The following GMDS variants were observed in gnomAD, a reference collection of about 807,000 sequenced individuals.
The protein encoded by GMDS is GDP-mannose 4,6 dehydratase.
A neutral mutation model predicts 49.9 loss-of-function variants in GMDS; 20 were observed. The ratio of observed to expected loss-of-function variants is 0.40; its 90% confidence interval spans 0.28 to 0.58. The LOEUF (loss-of-function observed/expected upper bound fraction) is 0.58, where lower values mean the gene tolerates loss of function less well. GMDS is among the 20% of genes least tolerant of loss of function. The pLI is 0.42. For synonymous variants in GMDS, 177 were observed against 178.6 expected (o/e 0.99, Z 0.07); for missense variants, 362 against 481.4 (o/e 0.75, Z 2.32).
At chr6:2,122,202 T>C (rs1394692078) in intron 2 of GMDS, among the ~76,000 whole-genome samples, 1 of 152,196 alleles carries the variant, frequency 6.6e-6, no homozygotes. Flanking sequence ...AATCACCTGA[T>C]CTCATCTAAA....
chr6:1,841,964 CTGGA>C (rs1396107318), intron 7 of GMDS, among the ~76,000 whole-genome samples: 3 of 152,196 alleles, frequency 2.0e-5, no homozygotes, highest in Non-Finnish European at 4.4e-5. Flanking sequence ...CATATCTTCT[CTGGA>C]TGCTCTCACA....
At chr6:1,777,746 G>A (rs900544374) in intron 7 of GMDS, among the ~76,000 whole-genome samples, 8 of 152,230 alleles carry the variant, frequency 5.3e-5, no homozygotes, top group Non-Finnish European at 8.8e-5. Context: ...TTCTTCGGGG[G>A]ATGGAGGGAT....
chr6:1,997,086 T>C (rs940359430), intron 4 of GMDS, among the ~76,000 whole-genome samples: 1 of 151,844 alleles, frequency 6.6e-6, no homozygotes, highest in Non-Finnish European at 1.5e-5. Flanking sequence ...CTCAATGTGC[T>C]CTGACAGCCA....
chr6:1,746,197 G>A (rs1217546204), intron 7 of GMDS, among the ~76,000 whole-genome samples: 1 of 148,206 alleles, frequency 6.7e-6, no homozygotes, highest in African/African-American at 2.5e-5. Context: ...ACAGTGTTGA[G>A]GTTACATGTT....
At chr6:1,874,731 G>A (rs1042793665) in intron 7 of GMDS, among the ~76,000 whole-genome samples, 3 of 152,084 alleles carry the variant, frequency 2.0e-5, no homozygotes, top group African/African-American at 7.2e-5. Context: ...TCATATATGC[G>A]CTGAAGACTC....
rs1160144557 is a variant in GMDS, at chr6:2,039,705, G to T, written c.345+76066C>A. 2.6e-5 allele frequency among the ~76,000 whole-genome samples: 4 copies of T among 152,108 alleles called. No individual in the cohort carries two copies. The East Asian group carries it at 7.7e-4, about 29-fold the overall frequency. Reference sequence around the variant, plus strand: ...CCTCCACGTCTTCTCCTGCTGGAAGGTCTTCAGGGGCAGTGATATGCAAGG... The same window carrying T: ...CCTCCACGTCTTCTCCTGCTGGAAGTTCTTCAGGGGCAGTGATATGCAAGG... On this transcript the variant is annotated intron_variant, in intron 4 of 10. Transcript: ENST00000380815.
intron 6 of GMDS, among the ~76,000 whole-genome samples, chr6:1,932,307 C>T (rs901636276): frequency 3.9e-5 from 6 of 152,062 alleles, no homozygotes; most frequent in Admixed American, 2.0e-4. Context: ...TTTAATTTTC[C>T]GAGCAACCCA....
At chr6:1,995,739 G>C (rs1766235551) in intron 4 of GMDS, among the ~76,000 whole-genome samples, 1 of 152,202 alleles carries the variant, frequency 6.6e-6, no homozygotes, top group African/African-American at 2.4e-5. Context: ...ATGCAAGCCA[G>C]TCCTATGGCT....
intron 4 of GMDS, among the ~76,000 whole-genome samples, chr6:1,996,656 A>C (rs1268073246): frequency 6.6e-6 from 1 of 152,176 alleles, no homozygotes; most frequent in Non-Finnish European, 1.5e-5. Flanking sequence ...CTGCCATCAC[A>C]TGCACCTTCC....
chr6:1,704,807 G>A (rs1765673068), intron 9 of GMDS, among the ~76,000 whole-genome samples: 1 of 147,866 alleles, frequency 6.8e-6, no homozygotes, highest in Non-Finnish European at 1.5e-5. Context: ...TAATATTAAG[G>A]CCACCTGGCT....
chr6:2,196,180 A>C (rs569885064), intron 1 of GMDS, among the ~76,000 whole-genome samples: 12 of 152,366 alleles, frequency 7.9e-5, no homozygotes, highest in African/African-American at 2.9e-4. Context: ...GTTTATATTA[A>C]ATGGTCTCCC....
At chr6:2,010,326 C>CAAAA (rs201372798) in intron 4 of GMDS, among the ~76,000 whole-genome samples, 4 of 90,360 alleles carry the variant, frequency 4.4e-5, no homozygotes, top group South Asian at 3.9e-4. Flanking sequence ...GACTCCATCT[C>CAAAA]AAAAAAAAAA....
intron 6 of GMDS, among the ~76,000 whole-genome samples, chr6:1,934,209 C>G (rs1581385240): frequency 6.6e-6 from 1 of 152,190 alleles, no homozygotes; most frequent in African/African-American, 2.4e-5. Context: ...TTCTGACTTT[C>G]AATTCGATTT....
chr6:2,065,085 C>T (rs760470606), intron 4 of GMDS, among the ~76,000 whole-genome samples: 7 of 152,094 alleles, frequency 4.6e-5, no homozygotes, highest in Non-Finnish European at 8.8e-5. Context: ...TGAGGACAGG[C>T]AGACTGCCTC....
chr6:1,943,572 G>A (rs1310673431), intron 6 of GMDS, among the ~76,000 whole-genome samples: 2 of 152,218 alleles, frequency 1.3e-5, no homozygotes, highest in Non-Finnish European at 2.9e-5. Context: ...TACACATGTA[G>A]GACATAATGA....
intron 2 of GMDS, among the ~76,000 whole-genome samples, chr6:2,118,862 G>A (rs776199558): frequency 8.5e-5 from 13 of 152,134 alleles, no homozygotes; most frequent in Non-Finnish European, 4.4e-5. Context: ...TAATTTAAAC[G>A]TGGAGAAAAC....
At chr6:2,012,569 T>C (rs1228020007) in intron 4 of GMDS, among the ~76,000 whole-genome samples, 3 of 152,188 alleles carry the variant, frequency 2.0e-5, no homozygotes, top group East Asian at 3.8e-4. Context: ...CGATGACTTT[T>C]CTTAGGTCCA....
chr6:1,984,613 G>A (rs902505057), intron 4 of GMDS, among the ~76,000 whole-genome samples: 3 of 152,084 alleles, frequency 2.0e-5, no homozygotes, highest in Non-Finnish European at 4.4e-5. Context: ...TGGCCTATAG[G>A]CAAAATTCTT....
chr6:1,728,240 A>T (rs529018948), intron 8 of GMDS, among the ~76,000 whole-genome samples: 4 of 152,284 alleles, frequency 2.6e-5, no homozygotes, highest in South Asian at 2.1e-4. Context: ...TATTTTTTTT[A>T]AATAACTATC....
Sources: gnomAD v4.1 joint callset for allele counts (sites outside exome capture counted in the v4.1 genomes callset) on GRCh38, gnomAD v4.1.1 for gene constraint, MANE v1.5 for transcripts, NCBI Gene and HGNC (gene_info 2026-07-23, HGNC 2026-07-21) for gene names.